ITPA: variants seen among roughly 807,000 people sequenced by gnomAD.
ITPA encodes the protein inosine triphosphatase.
In ITPA, 29 loss-of-function variants were observed where a neutral mutation model predicts 29.6. That is an observed-to-expected ratio of 0.98 (90% CI 0.73 to 1.34). The LOEUF (loss-of-function observed/expected upper bound fraction) is 1.34, where lower values mean the gene tolerates loss of function less well. Ranked by LOEUF, ITPA falls within the 40% of genes most tolerant of loss-of-function variation. ITPA has a pLI of 0.00. For missense variants in ITPA, 241 were observed against 251.5 expected (o/e 0.96, Z 0.28); for synonymous variants, 103 against 99.3 (o/e 1.04, Z -0.22).
downstream of ITPA, among the ~76,000 whole-genome samples, chr20:3,225,186 G>T (rs778880203): frequency 9.2e-5 from 14 of 152,102 alleles, no homozygotes; most frequent in Non-Finnish European, 1.9e-4. Context: ...CTGGGCAACA[G>T]TGTGAGACCC....
At chr20:3,218,926 CTGT>C in intron 6 of ITPA, 1 of 468,866 alleles carries the variant, frequency 2.1e-6, no homozygotes, top group Non-Finnish European at 4.0e-6. Flanking sequence ...ACCCCTGAGG[CTGT>C]TGTTTCAGGG....
At chr20:3,204,601 T>A, upstream of ITPA, 1 of 1,590,096 alleles carries the variant, frequency 6.3e-7, no homozygotes, top group East Asian at 2.3e-5. Flanking sequence ...GAGCCGCCGC[T>A]ACCAAGTACC....
upstream of ITPA, among the ~76,000 whole-genome samples, chr20:3,204,861 T>G (rs937680027): frequency 6.3e-5 from 7 of 111,992 alleles, no homozygotes; most frequent in Admixed American, 1.7e-4. Context: ...TCTATGTATG[T>G]TTTTTTTTTT....
upstream of ITPA, among the ~76,000 whole-genome samples, chr20:3,208,405 T>C (rs1265015396): frequency 6.6e-6 from 1 of 152,180 alleles, no homozygotes; most frequent in Non-Finnish European, 1.5e-5. Flanking sequence ...GACGCAGTTT[T>C]GCTCTTGTTG....
At chr20:3,207,233 G>C (rs1202966112), upstream of ITPA, among the ~76,000 whole-genome samples, 1 of 152,224 alleles carries the variant, frequency 6.6e-6, no homozygotes, top group African/African-American at 2.4e-5. Flanking sequence ...GTGACTACAG[G>C]TGTGTGCCCC....
chr20:3,211,166 C>CTTTTT (rs369449246), intron 1 of ITPA, among the ~76,000 whole-genome samples: 2 of 140,286 alleles, frequency 1.4e-5, no homozygotes, highest in Non-Finnish European at 3.1e-5. Flanking sequence ...AACAGGTAGT[C>CTTTTT]TTTTTTTTTT....
intron 6 of ITPA, among the ~76,000 whole-genome samples, chr20:3,219,363 C>T (rs1044901441): frequency 1.3e-5 from 2 of 151,804 alleles, no homozygotes; most frequent in Admixed American, 6.6e-5. Flanking sequence ...AATCCTAGCA[C>T]TTTGCGAGGC....
At chr20:3,224,334 G>T (rs2067535819), downstream of ITPA, among the ~76,000 whole-genome samples, 1 of 152,186 alleles carries the variant, frequency 6.6e-6, no homozygotes, top group African/African-American at 2.4e-5. Flanking sequence ...TCTGTGCCCT[G>T]GCGAAGCCAT....
upstream of ITPA, chr20:3,204,826 C>G (rs2067059681): frequency 8.9e-6 from 5 of 564,764 alleles, no homozygotes; most frequent in Non-Finnish European, 1.6e-5. Context: ...GAAATTATAG[C>G]AGACGGTATG....
At chr20:3,218,469 G>A in intron 5 of ITPA, 48 bp from the exon 6 acceptor site, 2 of 1,298,032 alleles carry the variant, frequency 1.5e-6, no homozygotes, top group Non-Finnish European at 2.2e-6. Context: ...GAGTGGGGGT[G>A]GGAGTTGGCC....
At chr20:3,222,511 A>G (rs1476696397) in intron 7 of ITPA, among the ~76,000 whole-genome samples, 2 of 152,182 alleles carry the variant, frequency 1.3e-5, no homozygotes, top group African/African-American at 4.8e-5. Context: ...GCCTGGCCAC[A>G]TCTGACAGTT....
intron 5 of ITPA, among the ~76,000 whole-genome samples, chr20:3,216,157 G>GTTTTTTT (rs71331043): frequency 1.8e-5 from 2 of 109,286 alleles, no homozygotes; most frequent in African/African-American, 7.7e-5. Flanking sequence ...CGCTGGCTAA[G>GTTTTTTT]TTTTTTTTTT....
At chr20:3,224,235 G>T (rs1279632005), downstream of ITPA, among the ~76,000 whole-genome samples, 1 of 152,224 alleles carries the variant, frequency 6.6e-6, no homozygotes. Context: ...AGGGGCTGGA[G>T]TCCTCGACCC....
At chr20:3,204,543 C>A, upstream of ITPA, 1 of 1,561,494 alleles carries the variant, frequency 6.4e-7, no homozygotes, top group Non-Finnish European at 8.6e-7. Context: ...CTACCTGATG[C>A]CGCCCGGCCC....
Position 3,213,195 on chromosome 20 carries a change from T to C in ITPA, c.93T>C (p.Phe31=), listed in dbSNP as rs555480105. 4.3e-6 allele frequency: 7 copies of C among 1,614,222 alleles called. No homozygotes were observed. The African/African-American group carries it at 5.3e-5, about 12-fold the overall frequency. The change falls in exon 2 of 8, where the codon TTT becomes TTC. Residue 31 remains phenylalanine (F), a synonymous_variant. Transcript: ENST00000380113. ...EEVVQILGDK[F]PCTLVAQKID... ...TCGTTCAGATTCTAGGAGATAAGTTTCCATGCACTTTGGTGGCACAGAAAA... is the reference window on the plus strand; with the variant it reads ...TCGTTCAGATTCTAGGAGATAAGTTCCCATGCACTTTGGTGGCACAGAAAA...
intron 3 of ITPA, 60 bp from the exon 4 acceptor site, chr20:3,213,925 G>A (rs2067229458): frequency 3.8e-6 from 6 of 1,575,498 alleles, no homozygotes; most frequent in African/African-American, 1.3e-5. Context: ...CGGGTGACCT[G>A]GACGTTCCAG....
At position 3,213,241 on chromosome 20, in the gene ITPA, T is replaced by C; in HGVS notation, c.124+15T>C. ...GAAAATTGACCGTATGTCTCTGTTTTGTTTTATTTTTAAAAGATGGTTGGA... is the reference window on the plus strand; with the variant it reads ...GAAAATTGACCGTATGTCTCTGTTTCGTTTTATTTTTAAAAGATGGTTGGA... On this transcript the variant is annotated intron_variant, in intron 2 of 7. Coordinates refer to ENST00000380113, the MANE Select transcript of ITPA (RefSeq NM_033453.4). 3.7e-6 allele frequency: 6 copies of C among 1,614,200 alleles called. No homozygotes were observed. Among genetic ancestry groups the C allele is most frequent in the Non-Finnish European group, 5.1e-6 (6 of 1,180,046 alleles).
Position 3,209,582 on chromosome 20 carries a change from G to A in ITPA, c.31G>A (p.Val11Met), listed in dbSNP as rs1181895197. The A allele has an allele frequency of 6.2e-7, 1 of 1,614,050 alleles. No homozygotes were observed. Residue 11 changes from valine to methionine, a missense_variant, in exon 1 of 8, where the codon GTG becomes ATG. Physicochemically the swap from Val to Met is conservative, Grantham distance 21. Transcript: ENST00000380113. The surrounding 1 kb of genome is among the most constrained non-coding windows in gnomAD (Gnocchi z 4.6). ...GGCCTCATTGGTGGGGAAGAAGATC[G>A]TGTTTGTAACGGGGAACGCCAAGAA... MAASLVGKKI[V>M]FVTGNAKKLE...
chr20:3,225,600 GTGCATCTCTTCATC>G (rs917398704), downstream of ITPA, among the ~76,000 whole-genome samples: 2 of 152,168 alleles, frequency 1.3e-5, no homozygotes, highest in African/African-American at 4.8e-5. Context: ...ACCTCGCCCC[GTGCATCTCTTCATC>G]TGAATTCTCC....
Sources: allele counts gnomAD v4.1 joint callset (sites outside exome capture counted in the v4.1 genomes callset), GRCh38; gene constraint gnomAD v4.1.1; non-coding constraint Gnocchi (gnomAD v3.1); transcripts MANE v1.5; gene names NCBI Gene and HGNC (gene_info 2026-07-23, HGNC 2026-07-21).